NEK10: variants seen among roughly 807,000 people sequenced by gnomAD.
NEK10 encodes the protein NIMA related kinase 10, also known as serine/threonine-protein kinase Nek10.
Under a neutral mutation model 159.8 loss-of-function variants are expected in NEK10, and 122 were observed. The observed-to-expected ratio is 0.76, with a 90% CI of 0.66 to 0.89. The LOEUF (loss-of-function observed/expected upper bound fraction) is 0.89, where lower values mean the gene tolerates loss of function less well. Among genes scored for constraint, NEK10 ranks in the 40% least tolerant of loss-of-function variants. The probability of loss-of-function intolerance (pLI) is 0.00; values close to 1 mark genes in which losing one functional copy is unlikely to be tolerated. For synonymous variants in NEK10, 466 were observed against 457.1 expected (o/e 1.02, Z -0.25); for missense variants, 1,342 against 1,323.1 (o/e 1.01, Z -0.22).
chr3:27,120,558 G>T (rs1575381952), intron 32 of NEK10, among the ~76,000 whole-genome samples: 1 of 151,616 alleles, frequency 6.6e-6, no homozygotes, highest in East Asian at 1.9e-4. Flanking sequence ...TCGAACTCCT[G>T]ACCTCAGCTG....
intron 22 of NEK10, among the ~76,000 whole-genome samples, chr3:27,263,255 T>C (rs1385500914): frequency 6.6e-6 from 1 of 152,202 alleles, no homozygotes; most frequent in African/African-American, 2.4e-5. Flanking sequence ...GTTAGTCTAA[T>C]CGGGGGTCAG....
At chr3:27,347,909 A>T (rs1280593229) in intron 3 of NEK10, among the ~76,000 whole-genome samples, 1 of 152,172 alleles carries the variant, frequency 6.6e-6, no homozygotes, top group East Asian at 1.9e-4. Context: ...TAAAATGGAA[A>T]TAATAATAGT....
At chr3:27,164,486 C>T (rs1946307323) in intron 29 of NEK10, among the ~76,000 whole-genome samples, 1 of 152,202 alleles carries the variant, frequency 6.6e-6, no homozygotes. Context: ...TGAAATAATT[C>T]TATTTTATTT....
rs182519302 is a variant in NEK10, at chr3:27,309,624, C to G, written c.637-619G>C. 15 of 152,252 alleles carry G rather than the reference C, an allele frequency of 9.9e-5. No individual in the cohort carries two copies. In the East Asian group the frequency reaches 1.5e-3, roughly 16 times the overall value. 9.4% of individuals were successfully genotyped at this position (152,252 alleles called of 1,614,324 possible). A position where few individuals can be genotyped will look rare whatever the true frequency, so the allele number is the denominator to read the frequency against. On this transcript the variant is annotated intron_variant, in intron 9 of 35. Coordinates refer to ENST00000691995, the MANE Select transcript of NEK10 (RefSeq NM_001394966.1). ...TCCATGTGCCCAAGTATTCTCTCCC[C>G]CTTCTGATCCCACGCTGGGAAGAAC...
chr3:27,357,357 G>A (rs934663132), intron 1 of NEK10, among the ~76,000 whole-genome samples: 2 of 152,050 alleles, frequency 1.3e-5, no homozygotes, highest in African/African-American at 2.4e-5. Flanking sequence ...TCAACAAATC[G>A]CTCATAAAAC....
At chr3:27,216,285 C>T (rs1951523093) in intron 23 of NEK10, 1 of 169,602 alleles carries the variant, frequency 5.9e-6, no homozygotes, top group African/African-American at 2.4e-5. Flanking sequence ...AAATTCAATA[C>T]AGTAAATATA....
At chr3:27,142,889 T>C (rs1943923021) in intron 30 of NEK10, among the ~76,000 whole-genome samples, 1 of 152,346 alleles carries the variant, frequency 6.6e-6, no homozygotes, top group South Asian at 2.1e-4. Context: ...AATCTAGTTC[T>C]AGCTCATCTG....
chr3:27,234,018 AC>A (rs571964039), intron 23 of NEK10, among the ~76,000 whole-genome samples: 108 of 152,208 alleles, frequency 7.1e-4, no homozygotes, highest in Admixed American at 1.4e-3. Context: ...AAGAAAAAAA[AC>A]AACATGATTA....
At chr3:27,275,962 A>G (rs1043113391) in intron 22 of NEK10, among the ~76,000 whole-genome samples, 2 of 152,042 alleles carry the variant, frequency 1.3e-5, no homozygotes, top group African/African-American at 4.8e-5. Context: ...ACCTTTGCCC[A>G]TGTGCGCATG....
chr3:27,332,409 TC>T (rs2149714681), intron 5 of NEK10, among the ~76,000 whole-genome samples: 1 of 152,340 alleles, frequency 6.6e-6, no homozygotes, highest in African/African-American at 2.4e-5. Context: ...CATTATTTTT[TC>T]CCAAAGTTCT....
intron 1 of NEK10, among the ~76,000 whole-genome samples, chr3:27,356,871 AG>A (rs1399317325): frequency 6.6e-6 from 1 of 152,204 alleles, no homozygotes. Context: ...CTCCTATGGC[AG>A]GGACTGTGTC....
intron 29 of NEK10, among the ~76,000 whole-genome samples, chr3:27,167,992 C>T (rs997210491): frequency 1.3e-5 from 2 of 152,140 alleles, no homozygotes; most frequent in African/African-American, 2.4e-5. Context: ...TTTCCGCAAG[C>T]AATTGGTTTA....
chr3:27,205,797 G>T (rs1483028705), intron 23 of NEK10, among the ~76,000 whole-genome samples: 2 of 139,456 alleles, frequency 1.4e-5, no homozygotes, highest in African/African-American at 2.8e-5. Context: ...CATAGGCATG[G>T]GCAAGGACTT....
intron 5 of NEK10, among the ~76,000 whole-genome samples, chr3:27,339,384 C>G (rs915783008): frequency 7.2e-5 from 11 of 152,190 alleles, no homozygotes; most frequent in Middle Eastern, 3.4e-3. Context: ...AAAAAATGGG[C>G]AAAGGATATG....
At position 27,215,537 on chromosome 3, in the gene NEK10, T is replaced by A. The variant is rs184397821; in HGVS notation, c.2091-12980A>T. On this transcript the variant is annotated intron_variant, in intron 23 of 35. Transcript: ENST00000691995. ...TAGAATATCTTTATATTTACTCAGA[T>A]GAGTTTTGACTCTTCTTTCCTTGGA... 11 of 456,350 alleles carry A rather than the reference T, an allele frequency of 2.4e-5. No homozygotes were observed. In the East Asian group the frequency reaches 3.3e-4, roughly 14 times the overall value. The allele number at this position is 456,350 out of a possible 1,614,324, so 28.3% of individuals were successfully genotyped here.
intron 5 of NEK10, among the ~76,000 whole-genome samples, chr3:27,329,284 A>T (rs1364357243): frequency 2.6e-5 from 4 of 152,212 alleles, no homozygotes; most frequent in African/African-American, 9.6e-5. Context: ...TTTCCTGTAT[A>T]AATTACCCAG....
At chr3:27,333,196 C>A (rs2046547852) in intron 5 of NEK10, among the ~76,000 whole-genome samples, 2 of 152,070 alleles carry the variant, frequency 1.3e-5, no homozygotes, top group Admixed American at 1.3e-4. Context: ...GAGTGAGAGA[C>A]CCTCAGTAGT....
intron 5 of NEK10, among the ~76,000 whole-genome samples, chr3:27,330,894 T>A (rs895539307): frequency 1.3e-5 from 2 of 152,152 alleles, no homozygotes; most frequent in African/African-American, 4.8e-5. Context: ...CAAAGAACTA[T>A]GTGAACCAAC....
At chr3:27,318,605 A>G (rs2045386660) in intron 6 of NEK10, among the ~76,000 whole-genome samples, 1 of 152,270 alleles carries the variant, frequency 6.6e-6, no homozygotes, top group South Asian at 2.1e-4. Context: ...GCTTAGGGAA[A>G]ATCCCACAGC....
Sources: gnomAD v4.1 joint callset for allele counts (sites outside exome capture counted in the v4.1 genomes callset) on GRCh38, gnomAD v4.1.1 for gene constraint, MANE v1.5 for transcripts, NCBI Gene and HGNC (gene_info 2026-07-23, HGNC 2026-07-21) for gene names.